Variants in CCNY observed in about 807,000 individuals in gnomAD.
CCNY encodes cyclin Y, also known as cyclin-Y.
Under a neutral mutation model 42.8 loss-of-function variants are expected in CCNY, and 19 were observed. The ratio of observed to expected loss-of-function variants is 0.44; its 90% CI spans 0.31 to 0.65. The LOEUF (loss-of-function observed/expected upper bound fraction) is 0.65. Ranked by LOEUF, CCNY falls within the 30% of genes least tolerant of loss-of-function variation. The pLI is 0.07. For missense variants in CCNY, 370 were observed against 437.3 expected (o/e 0.85, Z 1.37); for synonymous variants, 165 against 162.7 (o/e 1.01, Z -0.11).
At chr10:35,354,583 T>C (rs566393204) in intron 1 of CCNY, among the ~76,000 whole-genome samples, 4 of 152,310 alleles carry the variant, frequency 2.6e-5, no homozygotes, top group Non-Finnish European at 4.4e-5. Context: ...ATTATATTAA[T>C]ACAAGAGTGT....
intron 1 of CCNY, among the ~76,000 whole-genome samples, chr10:35,415,273 C>T (rs1213449027): frequency 6.6e-6 from 1 of 151,622 alleles, no homozygotes; most frequent in African/African-American, 2.4e-5. Context: ...GGATGGAAGC[C>T]CTGTCCTGAG....
chr10:35,359,519 T>G (rs551469719), intron 1 of CCNY, among the ~76,000 whole-genome samples: 1 of 152,068 alleles, frequency 6.6e-6, no homozygotes, highest in Non-Finnish European at 1.5e-5. Context: ...ATTATTTTTT[T>G]TTGTAGAGGC....
Position 35,295,678 on chromosome 10 carries a change from A to G in CCNY, c.-9+45052A>G, listed in dbSNP as rs73264631. 8.2e-3 allele frequency among the ~76,000 whole-genome samples: 1,255 copies of G among 152,186 alleles called. 20 individuals carry two copies. Among genetic ancestry groups the G allele is most frequent in the African/African-American group, 0.028 (1,179 of 41,500 alleles). On this transcript the variant is annotated intron_variant, in intron 3 of 11. Coordinates refer to the CCNY transcript ENST00000374706. ...ATTTTGTGTCTGGCTTATTTCTCTTAGCTTAATCTTTTCAAAGTTCTCTTA... is the reference window on the plus strand; with the variant it reads ...ATTTTGTGTCTGGCTTATTTCTCTTGGCTTAATCTTTTCAAAGTTCTCTTA...
rs552660846 is a variant in CCNY, at chr10:35,360,517, A to G, written c.154+23310A>G. Among the ~76,000 whole-genome samples, 461 of 152,036 alleles carry G rather than the reference A, an allele frequency of 3.0e-3. 4 individuals are homozygous for G. Among genetic ancestry groups the G allele is most frequent in the Non-Finnish European group, 3.7e-3 (253 of 67,990 alleles). On this transcript the variant is annotated intron_variant, in intron 1 of 9. Coordinates refer to ENST00000374704, the MANE Select transcript of CCNY (RefSeq NM_145012.6). ...GGTTGGTCTTGAGCTCCTGGGCTCC[A>G]GCAGTCCTTCTGCCTTGGCCTCCCA...
intron 1 of CCNY, among the ~76,000 whole-genome samples, chr10:35,378,275 T>C (rs935962557): frequency 2.6e-5 from 4 of 152,232 alleles, no homozygotes; most frequent in African/African-American, 9.6e-5. Context: ...ATCCCTGACC[T>C]CCTCAGAAGT....
At position 35,406,895 on chromosome 10, in the gene CCNY, C is replaced by T. The variant is rs1025757545; in HGVS notation, c.154+69688C>T. ...CCACCTCCGTCCCCGTCGGGGCGGC[C>T]GGCCAGGCAGAGGGGCTTTTTGGAG... is the stretch of plus-strand genomic sequence containing the variant. On this transcript the variant is annotated intron_variant, in intron 1 of 9. Transcript: ENST00000374704. Among the ~76,000 whole-genome samples the T allele has an allele frequency of 5.3e-5, 8 of 152,078 alleles. 1 individual carries two copies. The highest frequency in any genetic ancestry group is 1.7e-4 in the African/African-American group (7 of 41,480).
intron 3 of CCNY, among the ~76,000 whole-genome samples, chr10:35,296,785 A>G (rs182020616): frequency 6.6e-6 from 1 of 152,338 alleles, no homozygotes; most frequent in African/African-American, 2.4e-5. Flanking sequence ...CAGACTAATA[A>G]TGAGTTCTGA....
chr10:35,333,855 G>T (rs1835974944), upstream of CCNY, among the ~76,000 whole-genome samples: 1 of 152,074 alleles, frequency 6.6e-6, no homozygotes, highest in Non-Finnish European at 1.5e-5. Context: ...GCCTGGAGGA[G>T]TTTGAAGTAT....
At chr10:35,445,885 C>T (rs1449223050) in intron 1 of CCNY, among the ~76,000 whole-genome samples, 1 of 152,088 alleles carries the variant, frequency 6.6e-6, no homozygotes, top group African/African-American at 2.4e-5. Context: ...TTTTTTCTTT[C>T]TTACTACTTT....
chr10:35,359,311 T>A (rs577713518), intron 1 of CCNY, among the ~76,000 whole-genome samples: 1 of 152,318 alleles, frequency 6.6e-6, no homozygotes, highest in Admixed American at 6.5e-5. Context: ...ATCTGACATG[T>A]AAACATGGCT....
intron 3 of CCNY, among the ~76,000 whole-genome samples, chr10:35,509,430 C>T (rs1164791326): frequency 1.3e-5 from 2 of 152,086 alleles, no homozygotes; most frequent in African/African-American, 4.8e-5. Context: ...CACCTTCCAC[C>T]ACGCCCAGCT....
intron 3 of CCNY, among the ~76,000 whole-genome samples, chr10:35,278,651 G>A (rs1489641122): frequency 6.6e-6 from 1 of 152,146 alleles, no homozygotes; most frequent in Non-Finnish European, 1.5e-5. Flanking sequence ...AAAGCTTTAG[G>A]CAATTCTATA....
At chr10:35,529,436 T>A in intron 5 of CCNY, among the ~76,000 whole-genome samples, 1 of 152,236 alleles carries the variant, frequency 6.6e-6, no homozygotes, top group East Asian at 1.9e-4. Context: ...AATTAAATTT[T>A]TACTTAATTT....
At chr10:35,477,297 A>G (rs1329525474) in intron 1 of CCNY, among the ~76,000 whole-genome samples, 3 of 152,030 alleles carry the variant, frequency 2.0e-5, no homozygotes, top group South Asian at 2.1e-4. Context: ...TGAGGCCAGC[A>G]TCATTCTGAT....
intron 2 of CCNY, among the ~76,000 whole-genome samples, chr10:35,488,479 C>T (rs769127503): frequency 6.6e-5 from 10 of 152,160 alleles, no homozygotes; most frequent in Non-Finnish European, 1.2e-4. Flanking sequence ...TTGGCTCGTT[C>T]GTGTGTGCAG....
intron 2 of CCNY, among the ~76,000 whole-genome samples, chr10:35,498,769 A>G (rs980698656): frequency 6.6e-6 from 1 of 152,200 alleles, no homozygotes; most frequent in African/African-American, 2.4e-5. Context: ...GAAACTGTGC[A>G]GACTTCATCT....
intron 3 of CCNY, among the ~76,000 whole-genome samples, chr10:35,326,243 A>G (rs1381771844): frequency 2.0e-5 from 3 of 152,120 alleles, no homozygotes; most frequent in Admixed American, 2.0e-4. Context: ...ATATTTTTCA[A>G]TGGAGAAGAC....
chr10:35,432,593 A>G lies in CCNY; in HGVS notation c.155-50811A>G, dbSNP rs1395296313. 2.0e-5 allele frequency among the ~76,000 whole-genome samples: 3 copies of G among 152,354 alleles called. No homozygotes were observed. The East Asian group carries it at 5.8e-4, about 29-fold the overall frequency. On this transcript the variant is annotated intron_variant, in intron 1 of 9. Transcript: ENST00000374704. Reference sequence around the variant, plus strand: ...ACTTCTTCCTAATAAGCTGTTGGGTAGAGCATATATATCTGTCCACCAGCC... The same window carrying G: ...ACTTCTTCCTAATAAGCTGTTGGGTGGAGCATATATATCTGTCCACCAGCC...
At chr10:35,378,813 G>A (rs1478985672) in intron 1 of CCNY, among the ~76,000 whole-genome samples, 1 of 152,196 alleles carries the variant, frequency 6.6e-6, no homozygotes, top group African/African-American at 2.4e-5. Context: ...AGAAATGGCA[G>A]TGGAATTGTC....
Sources: allele counts gnomAD v4.1 joint callset (sites outside exome capture counted in the v4.1 genomes callset), GRCh38; gene constraint gnomAD v4.1.1; transcripts MANE v1.5; gene names NCBI Gene and HGNC (gene_info 2026-07-23, HGNC 2026-07-21).